TBC1D14: variants seen among roughly 807,000 people sequenced by gnomAD.
TBC1D14 encodes the protein TBC1 domain family member 14, also known as TBC1 domain family, member 14.
TBC1D14 carries 26 observed loss-of-function variants against 79.0 expected under a neutral mutation model. The ratio of observed to expected loss-of-function variants is 0.33; its 90% CI spans 0.24 to 0.46. The LOEUF (loss-of-function observed/expected upper bound fraction) is 0.46. Ranked by LOEUF, TBC1D14 falls within the 20% of genes least tolerant of loss-of-function variation. The pLI, the probability that TBC1D14 is intolerant of heterozygous loss-of-function variation, is 1.00. For missense variants in TBC1D14, 769 were observed against 887.6 expected (o/e 0.87, Z 1.70); for synonymous variants, 394 against 349.9 (o/e 1.13, Z -1.40).
At chr4:6,954,006 G>A (rs1050713156) in intron 2 of TBC1D14, among the ~76,000 whole-genome samples, 1 of 150,928 alleles carries the variant, frequency 6.6e-6, no homozygotes, top group Non-Finnish European at 1.5e-5. Context: ...GCCCTGCCAC[G>A]GCATGTGGTG....
chr4:6,940,019 G>A (rs559106309), intron 2 of TBC1D14, among the ~76,000 whole-genome samples: 24 of 152,342 alleles, frequency 1.6e-4, no homozygotes, highest in African/African-American at 4.6e-4. Context: ...GGCACCTCAC[G>A]CATGCTCAGC....
intron 2 of TBC1D14, among the ~76,000 whole-genome samples, chr4:6,932,568 A>T (rs1401961509): frequency 6.6e-6 from 1 of 152,154 alleles, no homozygotes; most frequent in Non-Finnish European, 1.5e-5. Flanking sequence ...CATGTAGGCC[A>T]CTGTGTGATG....
At chr4:6,920,689 C>T (rs1053222917) in intron 1 of TBC1D14, among the ~76,000 whole-genome samples, 19 of 152,190 alleles carry the variant, frequency 1.2e-4, no homozygotes, top group African/African-American at 4.1e-4. Flanking sequence ...TTAATTCTCC[C>T]AAGGCAATAT....
chr4:6,948,563 G>A (rs954927459), intron 2 of TBC1D14, among the ~76,000 whole-genome samples: 11 of 147,604 alleles, frequency 7.5e-5, no homozygotes, highest in South Asian at 2.1e-4. Flanking sequence ...TGGCGTGTGC[G>A]TGCCTGGGGG....
intron 2 of TBC1D14, 29 bp downstream of exon 2, chr4:6,924,140 C>G: frequency 6.3e-7 from 1 of 1,588,900 alleles, no homozygotes; most frequent in Non-Finnish European, 8.6e-7. Context: ...TCTAGAAGAT[C>G]GTGGTGGTTG....
intron 2 of TBC1D14, among the ~76,000 whole-genome samples, chr4:6,963,588 G>C (rs535783501): frequency 2.0e-5 from 3 of 152,322 alleles, no homozygotes; most frequent in African/African-American, 7.2e-5. Context: ...AGCTACGCCA[G>C]GACTCCCGAT....
intron 12 of TBC1D14, among the ~76,000 whole-genome samples, chr4:7,023,956 T>C (rs1722082694): frequency 6.6e-6 from 1 of 152,208 alleles, no homozygotes; most frequent in South Asian, 2.1e-4. Context: ...CCTCGACTTT[T>C]ACTGTTAGAA....
chr4:6,947,423 G>A (rs1390432936), intron 2 of TBC1D14, among the ~76,000 whole-genome samples: 7 of 151,884 alleles, frequency 4.6e-5, no homozygotes, highest in African/African-American at 7.3e-5. Flanking sequence ...GCGTGAACCC[G>A]GGAGGTGGAG....
intron 2 of TBC1D14, among the ~76,000 whole-genome samples, chr4:6,945,896 A>G (rs1713400863): frequency 6.6e-6 from 1 of 152,166 alleles, no homozygotes; most frequent in Admixed American, 6.5e-5. Context: ...CTTAACAAAG[A>G]AAAATTAATA....
intron 2 of TBC1D14, among the ~76,000 whole-genome samples, chr4:6,947,594 G>A (rs903531127): frequency 6.6e-6 from 1 of 151,716 alleles, no homozygotes; most frequent in Non-Finnish European, 1.5e-5. Flanking sequence ...CCCGGGAGGC[G>A]GAGGTTGTAG....
At chr4:6,976,757 T>C (rs575450044) in intron 3 of TBC1D14, among the ~76,000 whole-genome samples, 1 of 152,324 alleles carries the variant, frequency 6.6e-6, no homozygotes, top group South Asian at 2.1e-4. Context: ...TACAGTAGAC[T>C]ATTTTCCTTT....
At chr4:6,911,523 C>T (rs190272235) in intron 1 of TBC1D14, among the ~76,000 whole-genome samples, 1 of 152,348 alleles carries the variant, frequency 6.6e-6, no homozygotes, top group Non-Finnish European at 1.5e-5. Flanking sequence ...CCCAGCCTAC[C>T]CTCTCACATT....
chr4:6,999,957 C>T (rs1397331873), intron 6 of TBC1D14, among the ~76,000 whole-genome samples: 1 of 152,060 alleles, frequency 6.6e-6, no homozygotes, highest in Non-Finnish European at 1.5e-5. Flanking sequence ...AGTGTGCGGG[C>T]AGAAGTCCCA....
Position 6,999,074 on chromosome 4 carries a change from G to A in TBC1D14, c.1046-11G>A, listed in dbSNP as rs1577146765. The A allele has an allele frequency of 1.2e-6, 2 of 1,613,172 alleles. No homozygotes were observed. The highest frequency in any genetic ancestry group is 2.2e-5 in the East Asian group (1 of 44,880). Reference sequence around the variant, plus strand: ...TAGTAGATTGTTGTTTTTCTAAATTGTGATTTCTAGAGCTGAAAGAAGCCC... The same window carrying A: ...TAGTAGATTGTTGTTTTTCTAAATTATGATTTCTAGAGCTGAAAGAAGCCC... On this transcript the variant is annotated splice_polypyrimidine_tract_variant and intron_variant, in intron 5 of 13. Transcript: ENST00000409757.
chr4:7,027,274 G>A (rs1200933797), intron 13 of TBC1D14, among the ~76,000 whole-genome samples: 1 of 136,512 alleles, frequency 7.3e-6, no homozygotes, highest in African/African-American at 2.8e-5. Context: ...AGAGTTTTAT[G>A]GCATATACAT....
chr4:6,982,091 ATATACT>A (rs1485546429), intron 3 of TBC1D14, among the ~76,000 whole-genome samples: 3 of 152,250 alleles, frequency 2.0e-5, no homozygotes, highest in Admixed American at 2.0e-4. Flanking sequence ...TAGGTGAAAC[ATATACT>A]TAGAATTAGC....
chr4:7,014,457 T>TA lies in TBC1D14; in HGVS notation c.1658dup (p.Tyr553Ter). The TA allele has an allele frequency of 1.2e-6, 2 of 1,612,492 alleles. No individual in the cohort carries two copies. Among genetic ancestry groups the TA allele is most frequent in the Non-Finnish European group, 1.7e-6 (2 of 1,178,614 alleles). ...FRVDHGLMLT[Y>*]FAAFEVFFEE... Reference sequence around the variant, plus strand: ...CATATTATCTCCCTAGATGTTGACTTATTTTGCTGCATTTGAAGTATTCTT... The same window carrying TA: ...CATATTATCTCCCTAGATGTTGACTTAATTTTGCTGCATTTGAAGTATTCTT... The change falls in exon 12 of 14, where the codon TAT (tyrosine) becomes TAAT (stop). Residue 553 changes from tyrosine to a stop codon, truncating the protein, a stop_gained and frameshift_variant. Transcript: ENST00000409757. LOFTEE classifies it high-confidence loss of function.
At chr4:6,953,084 G>T (rs1257574993) in intron 2 of TBC1D14, among the ~76,000 whole-genome samples, 2 of 136,602 alleles carry the variant, frequency 1.5e-5, no homozygotes, top group Non-Finnish European at 3.1e-5. Flanking sequence ...GGAGTACAAT[G>T]GTGCAATCTT....
chr4:7,012,758 A>T (rs2109260781), intron 11 of TBC1D14, among the ~76,000 whole-genome samples: 2 of 152,328 alleles, frequency 1.3e-5, no homozygotes, highest in Middle Eastern at 3.4e-3. Context: ...AATAGTGTTT[A>T]TGTGTTTCCT....
Sources: gnomAD v4.1 joint callset for allele counts (sites outside exome capture counted in the v4.1 genomes callset) on GRCh38, gnomAD v4.1.1 for gene constraint, MANE v1.5 for transcripts, NCBI Gene and HGNC (gene_info 2026-07-23, HGNC 2026-07-21) for gene names.